NXPE2: variants seen among roughly 807,000 people sequenced by gnomAD.
The protein encoded by NXPE2 is neurexophilin and PC-esterase domain family member 2, also known as NXPE family member 2.
Under a neutral mutation model 34.4 loss-of-function variants are expected in NXPE2, and 34 were observed. That is an observed-to-expected ratio of 0.99 (90% CI 0.75 to 1.31). The LOEUF (loss-of-function observed/expected upper bound fraction) is 1.31. Ranked by LOEUF, NXPE2 falls within the 40% of genes most tolerant of loss-of-function variation. The pLI, the probability that NXPE2 is intolerant of heterozygous loss-of-function variation, is 0.00. For synonymous variants in NXPE2, 235 were observed against 231.3 expected, an observed-to-expected ratio of 1.02 and a Z score of -0.15; for missense variants, 649 against 672.5, an observed-to-expected ratio of 0.97 and a Z score of 0.39.
the NXPE2 span, among the ~76,000 whole-genome samples, chr11:114,624,026 T>C: frequency 7.2e-5 from 11 of 152,010 alleles, no homozygotes; most frequent in African/African-American, 2.7e-4. Context: ...TGTTGCTTCA[T>C]GGGTAACCAC....
the NXPE2 span, among the ~76,000 whole-genome samples, chr11:114,620,678 C>A: frequency 1.3e-5 from 2 of 149,726 alleles, no homozygotes; most frequent in African/African-American, 4.9e-5. Context: ...ATATTGTCTC[C>A]CAGGTAACCA....
At chr11:114,507,547 A>T in the NXPE2 span, among the ~76,000 whole-genome samples, 155 of 152,314 alleles carry the variant, frequency 1.0e-3, no homozygotes, top group Non-Finnish European at 1.9e-3. Flanking sequence ...ATCCACCATG[A>T]TTAAGTAGGC....
At chr11:114,723,646 GGA>G in the NXPE2 span, among the ~76,000 whole-genome samples, 1 of 152,084 alleles carries the variant, frequency 6.6e-6, no homozygotes, top group Non-Finnish European at 1.5e-5. Context: ...CTGGACAGGT[GGA>G]TTTTCAAATG....
the NXPE2 span, chr11:114,571,562 T>C: frequency 8.6e-7 from 1 of 1,163,672 alleles, no homozygotes; most frequent in Non-Finnish European, 1.2e-6. Flanking sequence ...TTGATTGGTA[T>C]AATTAAATAA....
the NXPE2 span, among the ~76,000 whole-genome samples, chr11:114,579,395 T>C: frequency 6.6e-6 from 1 of 152,282 alleles, no homozygotes; most frequent in South Asian, 2.1e-4. Flanking sequence ...TATATCACTA[T>C]TATTATTCCT....
chr11:114,486,042 A>G, the NXPE2 span, among the ~76,000 whole-genome samples: 1 of 152,058 alleles, frequency 6.6e-6, no homozygotes, highest in African/African-American at 2.4e-5. Context: ...TGATAGTTCT[A>G]TTTTTGTTTT....
At chr11:114,591,380 G>T in the NXPE2 span, among the ~76,000 whole-genome samples, 1 of 152,128 alleles carries the variant, frequency 6.6e-6, no homozygotes. Flanking sequence ...GAAATTAACA[G>T]GTTATTATCC....
Position 114,704,048 on chromosome 11 carries a change from C to A in NXPE2, c.924C>A (p.Cys308Ter). The A allele has an allele frequency of 6.5e-7, 1 of 1,549,418 alleles. No homozygotes were observed. The highest frequency in any genetic ancestry group is 8.7e-7 in the Non-Finnish European group (1 of 1,144,494). ...KNFTPIEVIP[C>*]NKSENIKKNC... ...TTACCCCCATTGAGGTCATACCATG[C>A]AACAGTAAGTCTGGAGTGTTGTTGT... Residue 308 changes from cysteine to a stop codon, truncating the protein, a stop_gained, in exon 4 of 6, where the codon TGC becomes TGA. Coordinates refer to ENST00000389586, the MANE Select transcript of NXPE2 (RefSeq NM_182495.6). LOFTEE classifies it high-confidence loss of function.
chr11:114,628,459 TC>T, the NXPE2 span, among the ~76,000 whole-genome samples: 1 of 152,140 alleles, frequency 6.6e-6, no homozygotes, highest in Non-Finnish European at 1.5e-5. Context: ...ATAAAGATGT[TC>T]TTTGAAACCA....
chr11:114,698,072 A>C lies in NXPE2; in HGVS notation c.160A>C (p.Ile54Leu). Residue 54 changes from isoleucine to leucine, a missense_variant, in exon 3 of 6, where the codon ATC becomes CTC. Coordinates refer to ENST00000389586, the MANE Select transcript of NXPE2 (RefSeq NM_182495.6). ...KFSFNLENHI[I>L]LNQGNIFKKY... is the part of the protein sequence containing the mutation. ...CTCGTTCAACTTGGAAAACCATATT[A>C]TCCTGAACCAAGGGAACATCTTCAA... is the stretch of plus-strand genomic sequence containing the variant. 1.9e-6 allele frequency: 3 copies of C among 1,575,660 alleles called. No individual in the cohort carries two copies. Among genetic ancestry groups the C allele is most frequent in the Non-Finnish European group, 2.6e-6 (3 of 1,159,296 alleles).
At chr11:114,806,566 C>A in the NXPE2 span, among the ~76,000 whole-genome samples, 16 of 151,948 alleles carry the variant, frequency 1.1e-4, no homozygotes, top group Admixed American at 6.6e-5. Flanking sequence ...CCTCAGTAGC[C>A]GATGCGATCA....
At chr11:114,652,767 C>T in the NXPE2 span, among the ~76,000 whole-genome samples, 1 of 152,156 alleles carries the variant, frequency 6.6e-6, no homozygotes, top group Admixed American at 6.5e-5. Flanking sequence ...TGTTTTGAGA[C>T]TCTGGGGTTG....
the NXPE2 span, among the ~76,000 whole-genome samples, chr11:114,632,663 ATAGTATATATATT>A: frequency 6.8e-4 from 59 of 86,300 alleles, no homozygotes; most frequent in African/African-American, 3.0e-3. Context: ...AAATAAATAT[ATAGTATATATATT>A]TATATATATA....
At chr11:114,788,440 G>C in the NXPE2 span, among the ~76,000 whole-genome samples, 2 of 152,248 alleles carry the variant, frequency 1.3e-5, no homozygotes, top group African/African-American at 4.8e-5. Context: ...AGGAGCAGCC[G>C]AACATCATCT....
the NXPE2 span, chr11:114,584,371 C>T: frequency 5.4e-6 from 2 of 369,616 alleles, no homozygotes; most frequent in Middle Eastern, 8.3e-4. Flanking sequence ...CCTAGTAATG[C>T]AGGCCCATCC....
At chr11:114,739,390 TC>T in the NXPE2 span, among the ~76,000 whole-genome samples, 1 of 110,360 alleles carries the variant, frequency 9.1e-6, no homozygotes, top group Non-Finnish European at 1.8e-5. Context: ...CTCCTTCCCT[TC>T]CTCCCTCCCT....
the NXPE2 span, among the ~76,000 whole-genome samples, chr11:114,626,344 GCCT>G: frequency 7.1e-4 from 108 of 152,336 alleles, no homozygotes; most frequent in African/African-American, 2.3e-3. Context: ...TGGGCAGACT[GCCT>G]CCTCAAGTGG....
chr11:114,551,138 A>G, the NXPE2 span: 1 of 1,532,970 alleles, frequency 6.5e-7, no homozygotes, highest in Non-Finnish European at 8.7e-7. Flanking sequence ...AAAATCATCC[A>G]GGTTACTACT....
chr11:114,678,102 C>T (rs1312708561), upstream of NXPE2, among the ~76,000 whole-genome samples: 1 of 152,012 alleles, frequency 6.6e-6, no homozygotes, highest in East Asian at 1.9e-4. Flanking sequence ...GAAAGCACTC[C>T]AAAAATTGAG....
Sources: allele counts gnomAD v4.1 joint callset (sites outside exome capture counted in the v4.1 genomes callset), GRCh38; gene constraint gnomAD v4.1.1; transcripts MANE v1.5; gene names NCBI Gene and HGNC (gene_info 2026-07-23, HGNC 2026-07-21).